The following SLC1A2 variants were observed in gnomAD, a reference collection of about 807,000 sequenced individuals.
SLC1A2 encodes solute carrier family 1 member 2.
In SLC1A2, 15 loss-of-function variants were observed where a neutral mutation model predicts 48.8. The observed-to-expected ratio is 0.31, with a 90% CI of 0.21 to 0.47. The LOEUF is 0.47. SLC1A2 is among the 20% of genes least tolerant of loss of function. SLC1A2 has a pLI of 0.99. For synonymous variants in SLC1A2, 279 were observed against 272.6 expected, an observed-to-expected ratio of 1.02 and a Z score of -0.23; for missense variants, 502 against 730.5, an observed-to-expected ratio of 0.69 and a Z score of 3.61.
At chr11:35,270,951 T>C (rs144613617) in intron 9 of SLC1A2, among the ~76,000 whole-genome samples, 11 of 152,366 alleles carry the variant, frequency 7.2e-5, no homozygotes, top group Middle Eastern at 3.4e-3. Context: ...GAAAAGATCA[T>C]GTTTGTTCCA....
intron 1 of SLC1A2, among the ~76,000 whole-genome samples, chr11:35,383,882 G>A (rs1252246554): frequency 6.6e-6 from 1 of 152,152 alleles, no homozygotes; most frequent in Non-Finnish European, 1.5e-5. Flanking sequence ...ATCTCACTCA[G>A]TACATCTATG....
chr11:35,386,178 TAAATA>T (rs1023917701), intron 1 of SLC1A2, among the ~76,000 whole-genome samples: 1 of 151,948 alleles, frequency 6.6e-6, no homozygotes. Flanking sequence ...AAAAATAAAA[TAAATA>T]AAATAAAATA....
intron 1 of SLC1A2, among the ~76,000 whole-genome samples, chr11:35,405,055 C>CAGGACTCGCACTGTTG (rs1565307026): frequency 6.6e-6 from 1 of 151,184 alleles, no homozygotes; most frequent in Admixed American, 6.6e-5. Context: ...CATCCAATCA[C>CAGGACTCGCACTGTTG]AGGACTCGCA....
At chr11:35,387,096 C>T (rs1388894036) in intron 1 of SLC1A2, among the ~76,000 whole-genome samples, 1 of 152,122 alleles carries the variant, frequency 6.6e-6, no homozygotes, top group African/African-American at 2.4e-5. Flanking sequence ...CTGACTTTCC[C>T]ATCTTCTGGC....
At chr11:35,397,379 C>T (rs1173930261) in intron 1 of SLC1A2, among the ~76,000 whole-genome samples, 2 of 141,668 alleles carry the variant, frequency 1.4e-5, no homozygotes, top group African/African-American at 2.6e-5. Flanking sequence ...ACGCCGCATA[C>T]CTACAACTAT....
At chr11:35,324,079 T>C (rs7105829) in intron 1 of SLC1A2, among the ~76,000 whole-genome samples, 121,284 of 152,202 alleles carry the variant, frequency 0.8, 48,862 homozygotes, top group East Asian at 0.93. Context: ...TCAGAAAAGA[T>C]AAGATGAGAA....
chr11:35,411,731 C>T (rs1451127202), intron 1 of SLC1A2, among the ~76,000 whole-genome samples: 1 of 151,976 alleles, frequency 6.6e-6, no homozygotes, highest in Non-Finnish European at 1.5e-5. Context: ...TTTCTTTTAC[C>T]TATCTCCCTT....
intron 1 of SLC1A2, among the ~76,000 whole-genome samples, chr11:35,343,765 A>G (rs985271743): frequency 6.6e-6 from 1 of 152,056 alleles, no homozygotes; most frequent in Non-Finnish European, 1.5e-5. Context: ...TAATAATAAT[A>G]GTATCTGTGC....
Position 35,280,892 on chromosome 11 carries a change from G to A in SLC1A2, c.1396C>T (p.Leu466=). The A allele has an allele frequency of 1.2e-6, 2 of 1,612,288 alleles. No homozygotes were observed. Among genetic ancestry groups the A allele is most frequent in the Non-Finnish European group, 1.7e-6 (2 of 1,179,190 alleles). Residue 466 remains leucine, a synonymous_variant, in exon 9 of 11, where the codon CTG becomes TTG. Coordinates refer to ENST00000278379, the MANE Select transcript of SLC1A2 (RefSeq NM_004171.4). ...AGCAGCCAGTCCACAGCCACCAGCA[G>A]GCTGATGTCCTCTGTTGGCAGGCCC... is the stretch of plus-strand genomic sequence containing the variant. ...AVGLPTEDIS[L]LVAVDWLLDR...
At chr11:35,309,462 T>C (rs1030483712) in intron 4 of SLC1A2, among the ~76,000 whole-genome samples, 1 of 152,190 alleles carries the variant, frequency 6.6e-6, no homozygotes, top group Non-Finnish European at 1.5e-5. Context: ...TTACAGCCAG[T>C]TACTGTCTTG....
intron 1 of SLC1A2, among the ~76,000 whole-genome samples, chr11:35,360,883 ATT>A (rs965630242): frequency 6.7e-6 from 1 of 148,942 alleles, no homozygotes; most frequent in African/African-American, 2.5e-5. Context: ...ATTTATTATT[ATT>A]TTTTTTTTGA....
rs1950295287 is a variant in SLC1A2 at position 35,255,076 on chromosome 11, A to G, written c.*5818T>C. The G allele has an allele frequency of 1.3e-5, 4 of 313,076 alleles. No homozygotes were observed. Among genetic ancestry groups the G allele is most frequent in the Non-Finnish European group, 2.5e-5 (4 of 161,738 alleles). 19.4% of individuals were successfully genotyped at this position (313,076 alleles called of 1,614,324 possible). A position where few individuals can be genotyped will look rare whatever the true frequency, so the allele number is the denominator to read the frequency against. The stretch of plus-strand genomic sequence containing the variant: ...AAAGCCGGCCGAAAAACAAAACCCA[A>G]TCCTTTCAGTCCTAGCTTTACATCT... On this transcript the variant is annotated 3_prime_UTR_variant, in exon 11 of 11. Transcript: ENST00000278379.
At chr11:35,268,541 T>C (rs187083201) in intron 9 of SLC1A2, among the ~76,000 whole-genome samples, 1 of 151,948 alleles carries the variant, frequency 6.6e-6, no homozygotes, top group Admixed American at 6.6e-5. Context: ...GGTGTGCACC[T>C]ATAATCCCAG....
chr11:35,358,960 C>CT (rs1462176214), intron 1 of SLC1A2, among the ~76,000 whole-genome samples: 2 of 152,064 alleles, frequency 1.3e-5, no homozygotes, highest in Non-Finnish European at 2.9e-5. Context: ...TATCTTATGC[C>CT]TTTAGTACTA....
chr11:35,317,585 T>C, intron 1 of SLC1A2, 69 bp from the exon 2 acceptor site: 1 of 1,536,360 alleles, frequency 6.5e-7, no homozygotes. Flanking sequence ...GGGGCTCGAC[T>C]AGTAGGAACC....
intron 1 of SLC1A2, among the ~76,000 whole-genome samples, chr11:35,400,517 G>A (rs1855101742): frequency 6.6e-6 from 1 of 152,188 alleles, no homozygotes; most frequent in South Asian, 2.1e-4. Context: ...GTATTGTGGA[G>A]TTTTTGAAGA....
In SLC1A2 at chr11:35,337,411, C is replaced by T. The variant is rs535332117; in HGVS notation, c.18-19895G>A. On this transcript the variant is annotated intron_variant, in intron 1 of 10. Transcript: ENST00000278379. Reference sequence around the variant, plus strand: ...TTTGGTAATCTTTGTGTAAAACAGACATCTGAGTCATCTCAGCAGCAGGGA... The same window carrying T: ...TTTGGTAATCTTTGTGTAAAACAGATATCTGAGTCATCTCAGCAGCAGGGA... Among the ~76,000 whole-genome samples the T allele has an allele frequency of 5.9e-5, 9 of 152,322 alleles. No individual in the cohort carries two copies. The South Asian group carries it at 1.4e-3, about 25-fold the overall frequency.
intron 1 of SLC1A2, among the ~76,000 whole-genome samples, chr11:35,338,810 A>C (rs1306023795): frequency 6.6e-6 from 1 of 152,242 alleles, no homozygotes; most frequent in African/African-American, 2.4e-5. Flanking sequence ...CTAAAACAAA[A>C]CAGTCCTTTG....
At chr11:35,355,415 T>C (rs1054793082) in intron 1 of SLC1A2, among the ~76,000 whole-genome samples, 4 of 152,172 alleles carry the variant, frequency 2.6e-5, no homozygotes, top group African/African-American at 4.8e-5. Context: ...TTTTCCATAA[T>C]TCGCACCATT....
Sources: allele counts gnomAD v4.1 joint callset (sites outside exome capture counted in the v4.1 genomes callset), GRCh38; gene constraint gnomAD v4.1.1; transcripts MANE v1.5; gene names NCBI Gene and HGNC (gene_info 2026-07-23, HGNC 2026-07-21).